ASTN2: variants seen among roughly 807,000 people sequenced by gnomAD.
The protein encoded by ASTN2 is astrotactin-2.
ASTN2 carries 54 observed loss-of-function variants against 139.8 expected under a neutral mutation model. That is an observed-to-expected ratio of 0.39 (90% CI 0.31 to 0.48). The LOEUF is 0.48. ASTN2 is among the 20% of genes least tolerant of loss of function. The pLI, the probability that ASTN2 is intolerant of heterozygous loss-of-function variation, is 0.95. For missense variants in ASTN2, 1,565 were observed against 1,725.1 expected, an observed-to-expected ratio of 0.91 and a Z score of 1.64; for synonymous variants, 756 against 719.5, an observed-to-expected ratio of 1.05 and a Z score of -0.81.
intron 10 of ASTN2, among the ~76,000 whole-genome samples, chr9:116,918,658 C>T (rs1834518507): frequency 6.6e-6 from 1 of 152,042 alleles, no homozygotes; most frequent in South Asian, 2.1e-4. Flanking sequence ...GTTTGCCTTG[C>T]TAGTGTCCCT....
At chr9:116,452,167 T>A (rs2118924993) in intron 20 of ASTN2, among the ~76,000 whole-genome samples, 1 of 152,344 alleles carries the variant, frequency 6.6e-6, no homozygotes, top group Admixed American at 6.5e-5. Flanking sequence ...AATGCCCAAT[T>A]ATTCTACTCC....
At chr9:116,450,974 A>C (rs1848157132) in intron 20 of ASTN2, among the ~76,000 whole-genome samples, 1 of 152,170 alleles carries the variant, frequency 6.6e-6, no homozygotes, top group Non-Finnish European at 1.5e-5. Flanking sequence ...AACAAAGGTA[A>C]AGCAGTTTGT....
At chr9:117,144,975 G>A (rs1383052548) in intron 3 of ASTN2, among the ~76,000 whole-genome samples, 6 of 151,920 alleles carry the variant, frequency 3.9e-5, no homozygotes, top group African/African-American at 7.3e-5. Flanking sequence ...GACCCACTAC[G>A]CCTGGCTCTT....
At chr9:116,442,219 G>A (rs1413648467) in intron 21 of ASTN2, among the ~76,000 whole-genome samples, 3 of 152,168 alleles carry the variant, frequency 2.0e-5, no homozygotes, top group Admixed American at 6.5e-5. Flanking sequence ...CTCTAAAAGA[G>A]GAGGCAAGTC....
intron 16 of ASTN2, among the ~76,000 whole-genome samples, chr9:116,676,960 G>A (rs1859542344): frequency 6.6e-6 from 1 of 152,178 alleles, no homozygotes; most frequent in African/African-American, 2.4e-5. Flanking sequence ...AAGCACCTAG[G>A]AAGTTACCTT....
chr9:117,084,040 A>T (rs1481310794), intron 5 of ASTN2, among the ~76,000 whole-genome samples: 1 of 148,296 alleles, frequency 6.7e-6, no homozygotes, highest in Non-Finnish European at 1.5e-5. Context: ...CTTTAAGAAA[A>T]AAAAAAAAAA....
chr9:116,865,345 C>G (rs1036068548), intron 10 of ASTN2, among the ~76,000 whole-genome samples: 2 of 140,892 alleles, frequency 1.4e-5, no homozygotes, highest in Admixed American at 1.6e-4. Context: ...GAGGAGCCTG[C>G]CTGTGGTCCC....
intron 10 of ASTN2, among the ~76,000 whole-genome samples, chr9:116,954,750 T>G (rs1835663805): frequency 6.6e-6 from 1 of 152,204 alleles, no homozygotes; most frequent in Admixed American, 6.5e-5. Context: ...TTAGCTTCCA[T>G]CAGCCTCATT....
intron 7 of ASTN2, among the ~76,000 whole-genome samples, chr9:117,004,664 C>A (rs1837304417): frequency 1.3e-5 from 2 of 152,280 alleles, no homozygotes; most frequent in African/African-American, 4.8e-5. Flanking sequence ...CTGACCTCTG[C>A]ACAGAGGCTG....
intron 7 of ASTN2, among the ~76,000 whole-genome samples, chr9:116,997,559 T>A (rs1456109199): frequency 6.6e-6 from 1 of 152,140 alleles, no homozygotes; most frequent in Non-Finnish European, 1.5e-5. Flanking sequence ...CAAATACCTA[T>A]CAAAGGGGGA....
At chr9:117,352,862 C>T (rs1279849074) in intron 1 of ASTN2, among the ~76,000 whole-genome samples, 2 of 152,144 alleles carry the variant, frequency 1.3e-5, no homozygotes, top group East Asian at 1.9e-4. Context: ...ACATATGCCT[C>T]ATCATGGATG....
chr9:117,002,654 C>T (rs1837225064), intron 7 of ASTN2, among the ~76,000 whole-genome samples: 1 of 152,168 alleles, frequency 6.6e-6, no homozygotes, highest in Admixed American at 6.5e-5. Flanking sequence ...TTTCAAGAAG[C>T]ATCAGGAGGA....
intron 20 of ASTN2, among the ~76,000 whole-genome samples, chr9:116,485,507 T>G (rs1444956202): frequency 6.6e-6 from 1 of 152,254 alleles, no homozygotes; most frequent in Non-Finnish European, 1.5e-5. Context: ...ACCTCACACA[T>G]GCAGTTGTCC....
At chr9:117,352,182 A>T (rs938970099) in intron 1 of ASTN2, among the ~76,000 whole-genome samples, 1 of 151,980 alleles carries the variant, frequency 6.6e-6, no homozygotes, top group Non-Finnish European at 1.5e-5. Flanking sequence ...GAAAACAATT[A>T]CTCTCTCATG....
At chr9:116,496,790 G>A (rs116896468) in intron 19 of ASTN2, among the ~76,000 whole-genome samples, 3,509 of 152,292 alleles carry the variant, frequency 0.023, 50 homozygotes, top group Non-Finnish European at 0.033. Flanking sequence ...GCAAAGGCAC[G>A]TCTTACGTGG....
intron 2 of ASTN2, among the ~76,000 whole-genome samples, chr9:117,279,449 C>T (rs1182495685): frequency 6.6e-6 from 1 of 152,088 alleles, no homozygotes; most frequent in East Asian, 1.9e-4. Context: ...TGCATATTTA[C>T]CAACTTTTAA....
intron 1 of ASTN2, among the ~76,000 whole-genome samples, chr9:117,385,973 A>G (rs1393819474): frequency 2.0e-5 from 3 of 152,062 alleles, no homozygotes; most frequent in Admixed American, 6.5e-5. Flanking sequence ...GGGGGATGAT[A>G]ATAGATGAAG....
At chr9:117,141,677 T>C (rs1055016661) in intron 3 of ASTN2, among the ~76,000 whole-genome samples, 199 bp from the exon 4 acceptor site, 9 of 152,210 alleles carry the variant, frequency 5.9e-5, no homozygotes, top group African/African-American at 2.2e-4. Context: ...GATGTATCTG[T>C]TGGATTACAT....
At chr9:117,292,046 A>G (rs1290962990) in intron 1 of ASTN2, among the ~76,000 whole-genome samples, 1 of 152,124 alleles carries the variant, frequency 6.6e-6, no homozygotes, top group Non-Finnish European at 1.5e-5. Context: ...GGTTGCCCTG[A>G]GCGTGTTCCT....
Sources: allele counts gnomAD v4.1 joint callset (sites outside exome capture counted in the v4.1 genomes callset), GRCh38; gene constraint gnomAD v4.1.1; transcripts MANE v1.5; gene names NCBI Gene and HGNC (gene_info 2026-07-23, HGNC 2026-07-21).